Variants in LSAMP observed in about 807,000 individuals in gnomAD.
LSAMP encodes the protein limbic system associated membrane protein.
In LSAMP, 7 loss-of-function variants were observed where a neutral mutation model predicts 38.6. The ratio of observed to expected loss-of-function variants is 0.18; its 90% CI spans 0.10 to 0.34. LSAMP has a LOEUF of 0.34. Ranked by LOEUF, LSAMP falls within the 10% of genes least tolerant of loss-of-function variation. The pLI is 1.00. For synonymous variants in LSAMP, 154 were observed against 166.8 expected (o/e 0.92, Z 0.59); for missense variants, 313 against 420.0 (o/e 0.75, Z 2.23).
intron 1 of LSAMP, among the ~76,000 whole-genome samples, chr3:116,269,173 A>AAGAG (rs1432861745): frequency 6.6e-6 from 1 of 152,132 alleles, no homozygotes; most frequent in Admixed American, 6.6e-5. Context: ...GAACATGATG[A>AAGAG]AGAGATAAGT....
At chr3:116,052,187 C>G (rs895494258) in intron 2 of LSAMP, among the ~76,000 whole-genome samples, 2 of 151,844 alleles carry the variant, frequency 1.3e-5, no homozygotes, top group Admixed American at 1.3e-4. Flanking sequence ...TGAATAAAAT[C>G]CTCTCTGGTT....
chr3:116,198,197 T>C (rs1310481153), intron 1 of LSAMP, among the ~76,000 whole-genome samples: 1 of 152,200 alleles, frequency 6.6e-6, no homozygotes, highest in Non-Finnish European at 1.5e-5. Context: ...TTGCTACTGT[T>C]CATAGTGAGA....
chr3:116,035,827 G>A (rs1052897934), intron 2 of LSAMP, among the ~76,000 whole-genome samples: 2 of 152,218 alleles, frequency 1.3e-5, no homozygotes, highest in Non-Finnish European at 2.9e-5. Flanking sequence ...GGAGAAGGCT[G>A]TCAGTGCTCA....
chr3:116,250,585 G>A (rs1047560036), intron 1 of LSAMP, among the ~76,000 whole-genome samples: 1 of 152,038 alleles, frequency 6.6e-6, no homozygotes, highest in South Asian at 2.1e-4. Context: ...ACAAATATCA[G>A]GCCTGGTGGC....
chr3:116,288,027 T>A (rs1461706783), intron 1 of LSAMP, among the ~76,000 whole-genome samples: 4 of 151,948 alleles, frequency 2.6e-5, no homozygotes, highest in Admixed American at 6.6e-5. Flanking sequence ...CAAAAAGATT[T>A]AAAAAAAAGT....
chr3:116,284,911 T>C (rs2047173299), intron 1 of LSAMP, among the ~76,000 whole-genome samples: 1 of 152,120 alleles, frequency 6.6e-6, no homozygotes, highest in Admixed American at 6.6e-5. Flanking sequence ...AAATATAAAA[T>C]ATGACACAAT....
chr3:116,374,907 T>C (rs1367770), intron 1 of LSAMP, among the ~76,000 whole-genome samples: 46,419 of 151,640 alleles, frequency 0.31, 9,768 homozygotes, highest in African/African-American at 0.6. Context: ...GATAAATATA[T>C]TCCCTAGGTA....
At chr3:116,396,803 T>C (rs2048774197) in intron 1 of LSAMP, among the ~76,000 whole-genome samples, 1 of 152,194 alleles carries the variant, frequency 6.6e-6, no homozygotes, top group Non-Finnish European at 1.5e-5. Context: ...CAAAATCTGT[T>C]CATTGTTTTC....
At chr3:116,231,109 T>C (rs2046397961) in intron 1 of LSAMP, among the ~76,000 whole-genome samples, 1 of 152,204 alleles carries the variant, frequency 6.6e-6, no homozygotes, top group Non-Finnish European at 1.5e-5. Flanking sequence ...TGAACGCCCA[T>C]GTTTGTTTAA....
rs557302679 is a variant in LSAMP, at chr3:116,198,820, G to C, written c.156-112264C>G. Among the ~76,000 whole-genome samples the C allele has an allele frequency of 7.9e-5, 12 of 151,462 alleles. No individual in the cohort carries two copies. In the South Asian group the frequency reaches 2.5e-3, roughly 32 times the overall value. Reference sequence around the variant, plus strand: ...GGACTGGGCGCAGCGGCTCATGCCTGTAATCCCAGCACTTTGGGAGCCTGA... The same window carrying C: ...GGACTGGGCGCAGCGGCTCATGCCTCTAATCCCAGCACTTTGGGAGCCTGA... On this transcript the variant is annotated intron_variant, in intron 1 of 6. Coordinates refer to ENST00000490035, the MANE Select transcript of LSAMP (RefSeq NM_002338.5).
At chr3:116,421,957 T>C (rs930085239) in intron 1 of LSAMP, among the ~76,000 whole-genome samples, 2 of 152,186 alleles carry the variant, frequency 1.3e-5, no homozygotes, top group African/African-American at 4.8e-5. Context: ...AAATATATGT[T>C]CCCTCAAAGA....
intron 6 of LSAMP, among the ~76,000 whole-genome samples, chr3:115,815,918 G>A (rs1934002477): frequency 6.6e-6 from 1 of 152,114 alleles, no homozygotes; most frequent in African/African-American, 2.4e-5. Flanking sequence ...GCAACAAAGT[G>A]TCCATAATCT....
At chr3:116,279,753 C>T (rs2107680433) in intron 1 of LSAMP, among the ~76,000 whole-genome samples, 2 of 152,030 alleles carry the variant, frequency 1.3e-5, no homozygotes, top group African/African-American at 4.8e-5. Context: ...TTTTCATATA[C>T]AACATAAAAA....
At chr3:116,127,243 T>A (rs560370601) in intron 1 of LSAMP, among the ~76,000 whole-genome samples, 2 of 152,344 alleles carry the variant, frequency 1.3e-5, no homozygotes, top group Admixed American at 1.3e-4. Flanking sequence ...TTGGTTTATA[T>A]TCTCCGTTAT....
In LSAMP at chr3:115,946,730, C is replaced by A. The variant is rs1339148883; in HGVS notation, c.514+72785G>T. ...AAATAATAAAAATCTGAAGCAAAAT[C>A]TCTTCCAGAGAATACAAAAAAAAAG... On this transcript the variant is annotated intron_variant, in intron 3 of 6. Coordinates refer to ENST00000490035, the MANE Select transcript of LSAMP (RefSeq NM_002338.5). Among the ~76,000 whole-genome samples the A allele has an allele frequency of 3.9e-5, 6 of 152,002 alleles. No homozygotes were observed. The East Asian group carries it at 7.7e-4, about 20-fold the overall frequency.
intron 3 of LSAMP, among the ~76,000 whole-genome samples, chr3:115,967,610 G>T (rs1400716802): frequency 2.0e-5 from 3 of 152,122 alleles, no homozygotes; most frequent in Admixed American, 2.0e-4. Context: ...GCTTGAGACT[G>T]GGAAATTTAC....
intron 1 of LSAMP, among the ~76,000 whole-genome samples, chr3:116,421,010 C>G (rs1430159035): frequency 6.6e-6 from 1 of 152,128 alleles, no homozygotes; most frequent in Admixed American, 6.5e-5. Flanking sequence ...GAACCTGCCT[C>G]ATAGCATACA....
At chr3:116,352,714 T>C (rs1158170256) in intron 1 of LSAMP, among the ~76,000 whole-genome samples, 1 of 152,144 alleles carries the variant, frequency 6.6e-6, no homozygotes, top group Non-Finnish European at 1.5e-5. Context: ...TTAAAGTTTT[T>C]CTTGTAACTA....
At chr3:116,096,785 A>G (rs1708235211) in intron 1 of LSAMP, among the ~76,000 whole-genome samples, 1 of 152,194 alleles carries the variant, frequency 6.6e-6, no homozygotes, top group African/African-American at 2.4e-5. Context: ...TGGATGAAGC[A>G]TACCCTATGC....
Sources: gnomAD v4.1 joint callset for allele counts (sites outside exome capture counted in the v4.1 genomes callset) on GRCh38, gnomAD v4.1.1 for gene constraint, MANE v1.5 for transcripts, NCBI Gene and HGNC (gene_info 2026-07-23, HGNC 2026-07-21) for gene names.